VTI1A: variants seen among roughly 807,000 people sequenced by gnomAD.
VTI1A encodes the protein vesicle transport through interaction with t-SNAREs 1A, also known as vesicle transport through interaction with t-SNAREs homolog 1A.
Under a neutral mutation model 34.9 loss-of-function variants are expected in VTI1A, and 22 were observed. The ratio of observed to expected loss-of-function variants is 0.63; its 90% CI spans 0.45 to 0.90. The LOEUF is 0.90. Ranked by LOEUF, VTI1A falls within the 40% of genes least tolerant of loss-of-function variation. The probability of loss-of-function intolerance (pLI) is 0.00; values close to 1 mark genes in which losing one functional copy is unlikely to be tolerated. For synonymous variants in VTI1A, 87 were observed against 97.3 expected (o/e 0.89, Z 0.62); for missense variants, 268 against 275.6 (o/e 0.97, Z 0.20).
the VTI1A span, among the ~76,000 whole-genome samples, chr10:112,853,982 G>A: frequency 6.6e-6 from 1 of 152,148 alleles, no homozygotes; most frequent in Non-Finnish European, 1.5e-5. Context: ...GATCCTCCGA[G>A]AAGTTCTCAG....
At chr10:112,504,030 T>G (rs982128819) in intron 3 of VTI1A, among the ~76,000 whole-genome samples, 1 of 152,180 alleles carries the variant, frequency 6.6e-6, no homozygotes, top group Admixed American at 6.5e-5. Context: ...TTTGGAACTT[T>G]TCTTAAACTC....
chr10:112,455,814 ATG>A (rs1564784017), intron 1 of VTI1A, among the ~76,000 whole-genome samples: 1 of 152,106 alleles, frequency 6.6e-6, no homozygotes, highest in Admixed American at 6.5e-5. Context: ...CCATCACAAA[ATG>A]AATTTTATGA....
chr10:112,451,400 G>T (rs778395815), intron 1 of VTI1A, among the ~76,000 whole-genome samples: 5 of 152,168 alleles, frequency 3.3e-5, no homozygotes, highest in Non-Finnish European at 7.3e-5. Context: ...CTAGGACCCC[G>T]CTCTTCAGAC....
chr10:112,680,486 C>T (rs543644963), intron 7 of VTI1A, among the ~76,000 whole-genome samples: 3 of 152,220 alleles, frequency 2.0e-5, no homozygotes, highest in East Asian at 1.9e-4. Context: ...AGCATTCTGG[C>T]GGTAACACCA....
intron 7 of VTI1A, among the ~76,000 whole-genome samples, chr10:112,701,448 C>T (rs2133900864): frequency 6.6e-6 from 1 of 152,308 alleles, no homozygotes; most frequent in Non-Finnish European, 1.5e-5. Context: ...CTGGCAACAT[C>T]CAAACACAGG....
intron 7 of VTI1A, among the ~76,000 whole-genome samples, chr10:112,761,095 C>A (rs1282563739): frequency 6.6e-6 from 1 of 152,054 alleles, no homozygotes; most frequent in Non-Finnish European, 1.5e-5. Context: ...TAAAGTCAAC[C>A]TCTTACTCAG....
At position 112,695,175 on chromosome 10, in the gene VTI1A, C is replaced by T. The variant is rs146638385; in HGVS notation, c.560+26177C>T. Among the ~76,000 whole-genome samples, 205 of 152,140 alleles carry T rather than the reference C, an allele frequency of 1.3e-3. 4 individuals carry two copies. Among genetic ancestry groups the T allele is most frequent in the African/African-American group, 4.5e-3 (185 of 41,504 alleles). ...ACATTTATCTTACCATAGTACCTAC[C>T]TTGAACTTTGCTGCATAGTATATAC... On this transcript the variant is annotated intron_variant, in intron 7 of 7. Transcript: ENST00000393077.
intron 3 of VTI1A, among the ~76,000 whole-genome samples, chr10:112,469,166 T>C (rs1372975652): frequency 1.3e-5 from 2 of 152,200 alleles, no homozygotes; most frequent in Admixed American, 1.3e-4. Flanking sequence ...CTAATAATTT[T>C]ATTATAGTAT....
intron 5 of VTI1A, among the ~76,000 whole-genome samples, chr10:112,565,831 A>G (rs1027982130): frequency 6.6e-6 from 1 of 152,166 alleles, no homozygotes; most frequent in Non-Finnish European, 1.5e-5. Flanking sequence ...ATCTTTTAAG[A>G]TATTTTCTAA....
At chr10:112,613,096 C>CAT (rs1269794067) in intron 5 of VTI1A, among the ~76,000 whole-genome samples, 2 of 151,950 alleles carry the variant, frequency 1.3e-5, no homozygotes, top group Non-Finnish European at 2.9e-5. Flanking sequence ...TCTAATAAAG[C>CAT]ATATATTCAG....
At chr10:112,830,849 A>ATTTTTTTTTTT in the VTI1A span, among the ~76,000 whole-genome samples, 14 of 33,494 alleles carry the variant, frequency 4.2e-4, no homozygotes, top group African/African-American at 5.7e-4. Flanking sequence ...ATATATATAT[A>ATTTTTTTTTTT]TTTTTTTTTT....
intron 1 of VTI1A, among the ~76,000 whole-genome samples, chr10:112,458,945 C>T (rs1446382660): frequency 6.6e-6 from 1 of 152,094 alleles, no homozygotes; most frequent in Non-Finnish European, 1.5e-5. Context: ...AGGTTACAGG[C>T]GTGAGCCACC....
At chr10:112,690,614 G>A (rs529797761) in intron 7 of VTI1A, among the ~76,000 whole-genome samples, 2 of 152,274 alleles carry the variant, frequency 1.3e-5, no homozygotes, top group South Asian at 2.1e-4. Context: ...GGAGATTCTC[G>A]GTTGGAATCT....
intron 3 of VTI1A, among the ~76,000 whole-genome samples, chr10:112,476,059 T>G (rs1459192557): frequency 6.6e-6 from 1 of 152,238 alleles, no homozygotes; most frequent in African/African-American, 2.4e-5. Flanking sequence ...TATTTTCCAT[T>G]CTTTTGATGT....
At chr10:112,554,599 T>G (rs1851481132) in intron 5 of VTI1A, among the ~76,000 whole-genome samples, 1 of 152,162 alleles carries the variant, frequency 6.6e-6, no homozygotes, top group African/African-American at 2.4e-5. Context: ...AGTCTTCATA[T>G]TTATTGAGTA....
At chr10:112,574,371 A>G (rs1450224595) in intron 5 of VTI1A, among the ~76,000 whole-genome samples, 1 of 152,208 alleles carries the variant, frequency 6.6e-6, no homozygotes, top group African/African-American at 2.4e-5. Flanking sequence ...CACTGTTCTT[A>G]TTTTTAAATT....
At chr10:112,604,475 A>G (rs1844997856) in intron 5 of VTI1A, among the ~76,000 whole-genome samples, 1 of 152,116 alleles carries the variant, frequency 6.6e-6, no homozygotes, top group Non-Finnish European at 1.5e-5. Context: ...TTGTTTCTAT[A>G]AAGAATCTAA....
chr10:112,520,811 G>T (rs529129549), intron 3 of VTI1A, among the ~76,000 whole-genome samples: 21 of 151,890 alleles, frequency 1.4e-4, no homozygotes, highest in Non-Finnish European at 2.8e-4. Context: ...CATGGAAAAT[G>T]TGTTTGAAAG....
At chr10:112,787,081 C>T (rs1031690549) in intron 7 of VTI1A, among the ~76,000 whole-genome samples, 8 of 152,138 alleles carry the variant, frequency 5.3e-5, no homozygotes, top group African/African-American at 1.9e-4. Context: ...AACTTACTTG[C>T]TTGTTATAGG....
Sources: gnomAD v4.1 joint callset for allele counts (sites outside exome capture counted in the v4.1 genomes callset) on GRCh38, gnomAD v4.1.1 for gene constraint, MANE v1.5 for transcripts, NCBI Gene and HGNC (gene_info 2026-07-23, HGNC 2026-07-21) for gene names.